SLC22A24: variants seen among roughly 807,000 people sequenced by gnomAD.
SLC22A24 encodes steroid transmembrane transporter SLC22A24.
In SLC22A24, 53 loss-of-function variants were observed where a neutral mutation model predicts 49.8. The ratio of observed to expected loss-of-function variants is 1.06; its 90% CI spans 0.85 to 1.34. SLC22A24 has a LOEUF of 1.34. Ranked by LOEUF, SLC22A24 falls within the 40% of genes most tolerant of loss-of-function variation. SLC22A24 has a pLI of 0.00. For missense variants in SLC22A24, 786 were observed against 675.9 expected (o/e 1.16, Z -1.81); for synonymous variants, 302 against 256.4 (o/e 1.18, Z -1.70).
intron 2 of SLC22A24, among the ~76,000 whole-genome samples, chr11:63,128,414 C>A (rs2087308199): frequency 6.6e-6 from 1 of 152,028 alleles, no homozygotes; most frequent in African/African-American, 2.4e-5. Context: ...AGGGATTCTC[C>A]CTTTCCCTGG....
intron 2 of SLC22A24, among the ~76,000 whole-genome samples, chr11:63,130,556 C>T (rs2087326646): frequency 6.6e-6 from 1 of 152,160 alleles, no homozygotes; most frequent in African/African-American, 2.4e-5. Flanking sequence ...ATGGTACCTA[C>T]TCCTGTTTGT....
chr11:63,143,284 T>G, intron 1 of SLC22A24, 94 bp downstream of exon 1: 1 of 1,101,664 alleles, frequency 9.1e-7, no homozygotes, highest in Non-Finnish European at 1.2e-6. Context: ...GCAGGTCCCA[T>G]CTAAGGACTA....
intron 6 of SLC22A24, among the ~76,000 whole-genome samples, chr11:63,092,529 C>CATGGAACAGAACAGAGACCTCAGAA (rs71065332): frequency 5.9e-5 from 1 of 16,848 alleles, no homozygotes; most frequent in Non-Finnish European, 1.9e-4. Flanking sequence ...ACCAAAACAG[C>CATGGAACAGAACAGAGACCTCAGAA]ATAACACCGC....
chr11:63,085,007 A>T (rs1444842223), intron 6 of SLC22A24, among the ~76,000 whole-genome samples: 1 of 151,180 alleles, frequency 6.6e-6, no homozygotes, highest in Non-Finnish European at 1.5e-5. Flanking sequence ...TTCATCAGGG[A>T]TAGGGAAAGA....
chr11:63,126,731 T>A (rs2087293653), intron 2 of SLC22A24, among the ~76,000 whole-genome samples: 1 of 152,230 alleles, frequency 6.6e-6, no homozygotes, highest in Non-Finnish European at 1.5e-5. Flanking sequence ...TAGCATTGAA[T>A]GTATAAATTA....
intron 6 of SLC22A24, among the ~76,000 whole-genome samples, chr11:63,090,983 A>G (rs537376441): frequency 4.6e-5 from 7 of 151,802 alleles, no homozygotes; most frequent in South Asian, 2.1e-4. Flanking sequence ...CAAATAATCA[A>G]TGAATCCAGG....
At chr11:63,125,448 G>A (rs1190031654) in intron 2 of SLC22A24, among the ~76,000 whole-genome samples, 2 of 152,102 alleles carry the variant, frequency 1.3e-5, no homozygotes, top group Admixed American at 1.3e-4. Flanking sequence ...GAGAATGATG[G>A]TTTCTAGCTT....
chr11:63,090,080 C>CAAAAAA (rs60285946), intron 6 of SLC22A24, among the ~76,000 whole-genome samples: 13 of 64,680 alleles, frequency 2.0e-4, no homozygotes, highest in African/African-American at 5.2e-4. Context: ...GACTCTGTCT[C>CAAAAAA]AAAAAAAAAA....
At chr11:63,083,573 A>C (rs1273995897) in intron 6 of SLC22A24, 116 bp from the exon 7 acceptor site, 2 of 803,200 alleles carry the variant, frequency 2.5e-6, no homozygotes, top group Non-Finnish European at 3.9e-6. Flanking sequence ...CCAATTGGCA[A>C]ATGGTGTTTT....
At chr11:63,128,394 A>G (rs2087308000) in intron 2 of SLC22A24, among the ~76,000 whole-genome samples, 1 of 152,094 alleles carries the variant, frequency 6.6e-6, no homozygotes. Flanking sequence ...GCTACTTAGC[A>G]GACTGGGAAA....
At chr11:63,129,658 A>G (rs2087319296) in intron 2 of SLC22A24, among the ~76,000 whole-genome samples, 1 of 152,102 alleles carries the variant, frequency 6.6e-6, no homozygotes, top group Non-Finnish European at 1.5e-5. Context: ...TTTGTTGAGC[A>G]GTGGTTTGTA....
chr11:63,083,970 ATACT>A (rs1340931451), intron 6 of SLC22A24, among the ~76,000 whole-genome samples: 1 of 152,164 alleles, frequency 6.6e-6, no homozygotes, highest in Non-Finnish European at 1.5e-5. Context: ...AATGGGGGTA[ATACT>A]TACTTGTATA....
chr11:63,093,641 A>G (rs1414869913), intron 6 of SLC22A24, among the ~76,000 whole-genome samples: 1 of 152,164 alleles, frequency 6.6e-6, no homozygotes, highest in Non-Finnish European at 1.5e-5. Flanking sequence ...GAGTTAAATG[A>G]TGAGAACACA....
chr11:63,139,913 G>A (rs1323447647), intron 1 of SLC22A24, among the ~76,000 whole-genome samples: 1 of 150,660 alleles, frequency 6.6e-6, no homozygotes, highest in Non-Finnish European at 1.5e-5. Flanking sequence ...GTATTTATAT[G>A]TTTTTTTTTG....
intron 4 of SLC22A24, among the ~76,000 whole-genome samples, chr11:63,108,358 A>T (rs1033647201): frequency 1.3e-5 from 2 of 152,104 alleles, no homozygotes; most frequent in African/African-American, 4.8e-5. Flanking sequence ...GAGGATTTTC[A>T]TATCAATGTT....
intron 2 of SLC22A24, among the ~76,000 whole-genome samples, chr11:63,124,518 A>G (rs1420936756): frequency 6.6e-6 from 1 of 152,208 alleles, no homozygotes; most frequent in Non-Finnish European, 1.5e-5. Flanking sequence ...AGGAGGTTGA[A>G]CTTGATAACT....
At chr11:63,092,890 A>G (rs1241555562) in intron 6 of SLC22A24, among the ~76,000 whole-genome samples, 4 of 152,112 alleles carry the variant, frequency 2.6e-5, no homozygotes, top group African/African-American at 9.7e-5. Context: ...ATAAACTATC[A>G]TCAGAGTGAA....
chr11:63,122,110 G>C (rs1158600277), intron 2 of SLC22A24, among the ~76,000 whole-genome samples: 4 of 152,128 alleles, frequency 2.6e-5, no homozygotes, highest in Admixed American at 2.6e-4. Flanking sequence ...AGATGGTACA[G>C]AGTCTGGCTA....
At chr11:63,121,287 G>A (rs2087249770) in intron 2 of SLC22A24, among the ~76,000 whole-genome samples, 1 of 152,040 alleles carries the variant, frequency 6.6e-6, no homozygotes, top group East Asian at 1.9e-4. Flanking sequence ...ACCTAAAATT[G>A]CTATAAAAAT....
Sources: gnomAD v4.1 joint callset for allele counts (sites outside exome capture counted in the v4.1 genomes callset) on GRCh38, gnomAD v4.1.1 for gene constraint, MANE v1.5 for transcripts, NCBI Gene and HGNC (gene_info 2026-07-23, HGNC 2026-07-21) for gene names.